Variants in GTF2A2 observed in about 807,000 individuals in gnomAD.
The protein encoded by GTF2A2 is general transcription factor IIA subunit 2, also known as transcription initiation factor IIA subunit 2.
A neutral mutation model predicts 14.3 loss-of-function variants in GTF2A2; 9 were observed. That is an observed-to-expected ratio of 0.63 (90% CI 0.38 to 1.10). The LOEUF (loss-of-function observed/expected upper bound fraction) is 1.10, where lower values mean the gene tolerates loss of function less well. Among genes scored for constraint, GTF2A2 ranks in the 50% least tolerant of loss-of-function variants. The pLI is 0.01. For synonymous variants in GTF2A2, 56 were observed against 46.0 expected, an observed-to-expected ratio of 1.22 and a Z score of -0.88; for missense variants, 90 against 124.6, an observed-to-expected ratio of 0.72 and a Z score of 1.32.
intron 3 of GTF2A2, among the ~76,000 whole-genome samples, chr15:59,649,164 G>A (rs1258314536): frequency 2.6e-5 from 4 of 152,066 alleles, no homozygotes; most frequent in Admixed American, 2.0e-4. Flanking sequence ...AATGTTATTT[G>A]CAAACATTCT....
chr15:59,647,605 G>A (rs1352443939), intron 3 of GTF2A2, among the ~76,000 whole-genome samples: 1 of 152,036 alleles, frequency 6.6e-6, no homozygotes, highest in Non-Finnish European at 1.5e-5. Flanking sequence ...TTAAGATACA[G>A]TCTCACTCTG....
At position 59,646,038 on chromosome 15, in the gene GTF2A2, A is replaced by AT. The variant is rs202013533; in HGVS notation, c.178-3777_178-3776insA. 6.0e-3 allele frequency among the ~76,000 whole-genome samples: 914 copies of AT among 151,270 alleles called. 16 individuals are homozygous for AT. Among genetic ancestry groups the AT allele is most frequent in the African/African-American group, 0.021 (849 of 41,180 alleles). On this transcript the variant is annotated intron_variant, in intron 3 of 4. Coordinates refer to ENST00000396060, the MANE Select transcript of GTF2A2 (RefSeq NM_004492.3). ...GACAGAGTAAGGCTCCGCCTTAAAA[A>AT]AAAAAAAAAAAGTGTGTATATTACT...
At position 59,642,140 on chromosome 15, in the gene GTF2A2, A is replaced by G; in HGVS notation, c.300T>C (p.Gly100=). Residue 100 remains glycine, a synonymous_variant, in exon 4 of 5, where the codon GGT becomes GGC. Transcript: ENST00000396060. The part of the protein sequence containing the change: ...VDKVKIVACD[G]KNTGSNTTE ...AGAAATAAGGCAAGCACTTACTTTTACCATCACAGGCTACAATTTTCACTT... is the reference window on the plus strand; with the variant it reads ...AGAAATAAGGCAAGCACTTACTTTTGCCATCACAGGCTACAATTTTCACTT... 1 of 1,605,102 alleles carries G rather than the reference A, an allele frequency of 6.2e-7. No homozygotes were observed. The highest frequency in any genetic ancestry group is 1.1e-5 in the South Asian group (1 of 88,916).
intron 3 of GTF2A2, among the ~76,000 whole-genome samples, chr15:59,644,767 T>TG (rs1891547853): frequency 6.6e-6 from 1 of 152,128 alleles, no homozygotes. Context: ...ACACTTGGAA[T>TG]GGGGTGGTTG....
At chr15:59,646,427 A>G (rs557623736) in intron 3 of GTF2A2, among the ~76,000 whole-genome samples, 1 of 152,228 alleles carries the variant, frequency 6.6e-6, no homozygotes, top group Non-Finnish European at 1.5e-5. Context: ...CAAAGTTCCC[A>G]AAGTCATATC....
chr15:59,639,880 A>C lies in GTF2A2; in HGVS notation c.305-723T>G, dbSNP rs139881525. Among the ~76,000 whole-genome samples, 1,088 of 152,180 alleles carry C rather than the reference A, an allele frequency of 7.1e-3. 4 individuals carry two copies. Among genetic ancestry groups the C allele is most frequent in the Non-Finnish European group, 0.013 (876 of 68,006 alleles). On this transcript the variant is annotated intron_variant, in intron 4 of 4. Coordinates refer to ENST00000396060, the MANE Select transcript of GTF2A2 (RefSeq NM_004492.3). ...ATTGTCCTGCCTCAGCCTCCGCAGC[A>C]GCTGGGATTACAGGCGGGTACCACC...
intron 3 of GTF2A2, among the ~76,000 whole-genome samples, chr15:59,650,029 A>G (rs956665032): frequency 1.3e-5 from 2 of 152,228 alleles, no homozygotes; most frequent in South Asian, 4.1e-4. Flanking sequence ...ATATGACTCC[A>G]TCAATACCAT....
rs1323495316 is a variant in GTF2A2 at position 59,638,309 on chromosome 15, G to A, written c.*823C>T. The A allele has an allele frequency of 1.3e-5, 2 of 152,040 alleles. No homozygotes were observed. The highest frequency in any genetic ancestry group is 3.8e-4 in the East Asian group (2 of 5,198). 9.4% of individuals were successfully genotyped at this position (152,040 alleles called of 1,614,324 possible). A position where few individuals can be genotyped will look rare whatever the true frequency, so the allele number is the denominator to read the frequency against. The stretch of plus-strand genomic sequence containing the variant: ...AGCAAAAATCTTTTACTCCAATTGG[G>A]TCAATCCAGTTAACCATGTAAGAAA... On this transcript the variant is annotated 3_prime_UTR_variant, in exon 5 of 5. Coordinates refer to ENST00000396060, the MANE Select transcript of GTF2A2 (RefSeq NM_004492.3).
intron 4 of GTF2A2, chr15:59,640,084 C>T (rs906593152): frequency 6.6e-6 from 1 of 151,988 alleles, no homozygotes; most frequent in Admixed American, 6.6e-5. Context: ...GCATTCTTTT[C>T]TGCAGATATA....
At chr15:59,656,262 T>A (rs7180408) in intron 1 of GTF2A2, among the ~76,000 whole-genome samples, 99,356 of 152,008 alleles carry the variant, frequency 0.65, 32,821 homozygotes, top group African/African-American at 0.73. Context: ...GGCTTTCCTA[T>A]CTGCCTGAAT....
chr15:59,656,235 C>G (rs962160938), intron 1 of GTF2A2, among the ~76,000 whole-genome samples: 1 of 152,158 alleles, frequency 6.6e-6, no homozygotes, highest in African/African-American at 2.4e-5. Context: ...CATGACAGGC[C>G]TAAAAGCATT....
chr15:59,649,063 C>A (rs1198683265), intron 3 of GTF2A2, among the ~76,000 whole-genome samples: 1 of 152,120 alleles, frequency 6.6e-6, no homozygotes, highest in Non-Finnish European at 1.5e-5. Flanking sequence ...AAATATATAC[C>A]TAAATTTGAT....
At chr15:59,652,075 C>T in intron 2 of GTF2A2, 131 bp downstream of exon 2, 2 of 599,904 alleles carry the variant, frequency 3.3e-6, no homozygotes, top group Admixed American at 3.1e-5. Context: ...GTAATTTAAT[C>T]AGTGTTACTG....
intron 4 of GTF2A2, among the ~76,000 whole-genome samples, chr15:59,639,811 C>T (rs771237914): frequency 2.0e-4 from 30 of 151,912 alleles, no homozygotes; most frequent in East Asian, 3.9e-4. Flanking sequence ...AGTGCAGTAG[C>T]GCAATCTCAG....
intron 1 of GTF2A2, among the ~76,000 whole-genome samples, chr15:59,654,861 G>A (rs768747955): frequency 1.3e-5 from 2 of 152,104 alleles, no homozygotes; most frequent in East Asian, 3.9e-4. Context: ...TATCTGCATC[G>A]TATATACTTA....
intron 4 of GTF2A2, chr15:59,640,190 C>CA (rs1891361356): frequency 1.1e-5 from 1 of 93,636 alleles, no homozygotes; most frequent in Admixed American, 1.1e-4. Context: ...GGAAAATCCT[C>CA]AAAAACTACT....
chr15:59,653,640 C>A (rs1244681276), intron 1 of GTF2A2, among the ~76,000 whole-genome samples: 1 of 152,108 alleles, frequency 6.6e-6, no homozygotes, highest in Non-Finnish European at 1.5e-5. Context: ...TCCAGACTTA[C>A]GGCTTTAAAT....
intron 4 of GTF2A2, among the ~76,000 whole-genome samples, chr15:59,640,709 C>CTAAT (rs1410398831): frequency 1.3e-5 from 2 of 151,900 alleles, no homozygotes; most frequent in Non-Finnish European, 2.9e-5. Flanking sequence ...ATTCTACAGA[C>CTAAT]TAATAAAAAT....
chr15:59,639,935 G>T (rs1891345149), intron 4 of GTF2A2, among the ~76,000 whole-genome samples: 1 of 151,946 alleles, frequency 6.6e-6, no homozygotes, highest in Non-Finnish European at 1.5e-5. Flanking sequence ...ATTTTTAGTA[G>T]AGATGGAGTT....
Sources: gnomAD v4.1 joint callset for allele counts (sites outside exome capture counted in the v4.1 genomes callset) on GRCh38, gnomAD v4.1.1 for gene constraint, MANE v1.5 for transcripts, NCBI Gene and HGNC (gene_info 2026-07-23, HGNC 2026-07-21) for gene names.